SLFN11: variants seen among roughly 807,000 people sequenced by gnomAD.
SLFN11 encodes the protein schlafen family member 11.
Under a neutral mutation model 53.4 loss-of-function variants are expected in SLFN11, and 43 were observed. That is an observed-to-expected ratio of 0.80 (90% CI 0.63 to 1.04). The LOEUF is 1.04. SLFN11 is among the 50% of genes least tolerant of loss of function. The probability of loss-of-function intolerance (pLI) is 0.00; values close to 1 mark genes in which losing one functional copy is unlikely to be tolerated. For synonymous variants in SLFN11, 389 were observed against 394.7 expected (o/e 0.99, Z 0.17); for missense variants, 990 against 1,079.1 (o/e 0.92, Z 1.16).
In SLFN11 at chr17:35,352,342, A is replaced by T; in HGVS notation, c.*14T>A. The T allele has an allele frequency of 1.2e-6, 2 of 1,612,464 alleles. No individual in the cohort carries two copies. The highest frequency in any genetic ancestry group is 1.7e-6 in the Non-Finnish European group (2 of 1,178,724). On this transcript the variant is annotated 3_prime_UTR_variant, in exon 7 of 7. Transcript: ENST00000685675. ...CCATAGACATTTACATAGCATTTTG[A>T]TTTGGAGTTCTTCCTAATGGCCACC... is the stretch of plus-strand genomic sequence containing the variant.
chr17:35,364,048 G>C (rs536682572), intron 3 of SLFN11, among the ~76,000 whole-genome samples: 1 of 151,984 alleles, frequency 6.6e-6, no homozygotes, highest in African/African-American at 2.4e-5. Flanking sequence ...TACTAAAGGG[G>C]TATCTAAACT....
chr17:35,356,995 AT>A (rs1431975760), intron 5 of SLFN11, among the ~76,000 whole-genome samples: 1 of 151,978 alleles, frequency 6.6e-6, no homozygotes, highest in Non-Finnish European at 1.5e-5. Context: ...AGGTTTTTTC[AT>A]TTTTTAACAA....
chr17:35,368,548 T>C (rs1041723339), intron 1 of SLFN11, among the ~76,000 whole-genome samples: 14 of 152,022 alleles, frequency 9.2e-5, no homozygotes, highest in African/African-American at 3.1e-4. Flanking sequence ...CTAAATAAAC[T>C]TGAAAGGCAT....
At position 35,362,814 on chromosome 17, in the gene SLFN11, A is replaced by G. The variant is rs1908401155; in HGVS notation, c.994T>C (p.Trp332Arg). ...CAGACGTACTTGTCCTCCACTATCC[A>G]TGAATTGGGAGCTTCTGAGAACACT... ...CAVFSEAPNS[W>R]IVEDKYVCSL... Residue 332 changes from tryptophan to arginine, a missense_variant, in exon 4 of 7, where the codon TGG becomes CGG. Physicochemically the swap from Trp to Arg is moderately radical, Grantham distance 101. This residue lies in a region of SLFN11 where 521 missense variants were observed against 516.2 expected (regional missense o/e 1.01). Coordinates refer to ENST00000685675, the MANE Select transcript of SLFN11 (RefSeq NM_001376007.1). 1 of 1,612,822 alleles carries G rather than the reference A, an allele frequency of 6.2e-7. No individual in the cohort carries two copies. Among genetic ancestry groups the G allele is most frequent in the South Asian group, 1.1e-5 (1 of 90,986 alleles).
intron 1 of SLFN11, among the ~76,000 whole-genome samples, chr17:35,371,321 G>A (rs1249345786): frequency 6.6e-6 from 1 of 151,944 alleles, no homozygotes; most frequent in Admixed American, 6.5e-5. Flanking sequence ...AAAATCAAAC[G>A]AAAATGGGTT....
rs542078013 is a variant in SLFN11 at position 35,353,991 on chromosome 17, G to T, written c.1267C>A (p.Leu423Ile). The T allele has an allele frequency of 6.2e-7, 1 of 1,613,962 alleles. No individual in the cohort carries two copies. The highest frequency in any genetic ancestry group is 1.3e-5 in the African/African-American group (1 of 75,032). ...WRDLISEHRGLEELINKQMQP... is the reference protein window; with the variant it reads ...WRDLISEHRGIEELINKQMQP... ...ATTTGCTTATTTATTAACTCCTCTAGTCCTCTGTGCTCTGAGATCAGGTCC... is the reference window on the plus strand; with the variant it reads ...ATTTGCTTATTTATTAACTCCTCTATTCCTCTGTGCTCTGAGATCAGGTCC... The change falls in exon 6 of 7, where the codon CTA (leucine) becomes ATA (isoleucine). Residue 423 changes from leucine (L) to isoleucine (I), a missense_variant. By Grantham distance (5) the Leu-to-Ile change is conservative (BLOSUM62 2). Around this residue, in one of 3 missense-constraint regions of SLFN11, gnomAD observed 521 missense variants for 516.2 expected, o/e 1.01. Coordinates refer to ENST00000685675, the MANE Select transcript of SLFN11 (RefSeq NM_001376007.1).
rs747433951 is a variant in SLFN11, at chr17:35,353,852, G to A, written c.1406C>T (p.Thr469Ile). Reference protein sequence around the residue: ...CDALLIAQNSTPILYTILREQ... With the variant: ...CDALLIAQNSIPILYTILREQ... ...CCTGAGAATGGTGTAGAGAATGGGGGTGCTGTTCTGTGCTATCAGCAGAGC... is the reference window on the plus strand; with the variant it reads ...CCTGAGAATGGTGTAGAGAATGGGGATGCTGTTCTGTGCTATCAGCAGAGC... Residue 469 changes from threonine to isoleucine, a missense_variant, in exon 6 of 7, where the codon ACC becomes ATC. This residue lies in a region of SLFN11 where 156 missense variants were observed against 241.9 expected (regional missense o/e 0.64). Transcript: ENST00000685675. 1 of 1,604,302 alleles carries A rather than the reference G, an allele frequency of 6.2e-7. No individual in the cohort carries two copies. Among genetic ancestry groups the A allele is most frequent in the Non-Finnish European group, 8.5e-7 (1 of 1,172,080 alleles).
rs780423282 is a variant in SLFN11, at chr17:35,352,958, G to A, written c.2104C>T (p.Leu702=). 6.2e-7 allele frequency: 1 copy of A among 1,614,192 alleles called. No individual in the cohort carries two copies. The highest frequency in any genetic ancestry group is 1.1e-5 in the South Asian group (1 of 91,084). ...AAGTGGCTGGTCTGAAAGTAATCCAGAAAGATCCAGAGAATTCCTGGGCCA... is the reference window on the plus strand; with the variant it reads ...AAGTGGCTGGTCTGAAAGTAATCCAAAAAGATCCAGAGAATTCCTGGGCCA... ...KGGPGILWIF[L]DYFQTSHLDC... Residue 702 remains leucine (L), a synonymous_variant, in exon 7 of 7, where the codon CTG becomes TTG. Transcript: ENST00000685675.
rs1398004127 is a variant in SLFN11, at chr17:35,352,101, A to C, written c.*255T>G. 1 of 556,906 alleles carries C rather than the reference A, an allele frequency of 1.8e-6. No individual in the cohort carries two copies. 34.5% of individuals were successfully genotyped at this position (556,906 alleles called of 1,614,324 possible). On this transcript the variant is annotated 3_prime_UTR_variant, in exon 7 of 7. Transcript: ENST00000685675. ...TGCAAGACACAGATCGGCATTGTGC[A>C]GGACAGCTAAAGTTCCTTTAGAAAA...
chr17:35,353,154 A>G lies in SLFN11; in HGVS notation c.1923-15T>C, dbSNP rs200837923. ...TATTTCTATCACTGTAAAAATTAAA[A>G]GAACACACTCAGGTTTTCTCTAAAA... is the stretch of plus-strand genomic sequence containing the variant. On this transcript the variant is annotated splice_polypyrimidine_tract_variant and intron_variant, in intron 6 of 6. Transcript: ENST00000685675. The G allele has an allele frequency of 6.2e-7, 1 of 1,607,680 alleles. No individual in the cohort carries two copies. The highest frequency in any genetic ancestry group is 1.3e-5 in the African/African-American group (1 of 74,558).
At chr17:35,370,940 G>A (rs1014883694) in intron 1 of SLFN11, among the ~76,000 whole-genome samples, 3 of 151,952 alleles carry the variant, frequency 2.0e-5, no homozygotes, top group Non-Finnish European at 4.4e-5. Context: ...AAATATCAAT[G>A]ACATTCTTCA....
Position 35,353,378 on chromosome 17 carries a change from A to T in SLFN11, c.1880T>A (p.Ile627Asn), listed in dbSNP as rs764302302. 2.5e-6 allele frequency: 4 copies of T among 1,596,148 alleles called. No individual in the cohort carries two copies. ...RNVFHCEAHR[I>N]LYVCENQPLR... ...AGGCTGGTTTTCACAAACGTAGAGAATTCTGTGTGCCTCACAGTGAAACAC... is the reference window on the plus strand; with the variant it reads ...AGGCTGGTTTTCACAAACGTAGAGATTTCTGTGTGCCTCACAGTGAAACAC... Residue 627 changes from isoleucine to asparagine, a missense_variant, in exon 6 of 7, where the codon ATT becomes AAT. Ile to Asn is a moderately radical substitution (Grantham distance 149, BLOSUM62 -3). Around this residue, in one of 3 missense-constraint regions of SLFN11, gnomAD observed 156 missense variants for 241.9 expected, o/e 0.64. Coordinates refer to ENST00000685675, the MANE Select transcript of SLFN11 (RefSeq NM_001376007.1).
At position 35,352,241 on chromosome 17, in the gene SLFN11, C is replaced by T; in HGVS notation, c.*115G>A. On this transcript the variant is annotated 3_prime_UTR_variant, in exon 7 of 7. Coordinates refer to ENST00000685675, the MANE Select transcript of SLFN11 (RefSeq NM_001376007.1). Reference sequence around the variant, plus strand: ...GAGCCAGAAATGGGGGAGCTCCAAACTCTTTGTGTCAGCTCCGTCCAAATC... The same window carrying T: ...GAGCCAGAAATGGGGGAGCTCCAAATTCTTTGTGTCAGCTCCGTCCAAATC... 7.4e-7 allele frequency: 1 copy of T among 1,358,806 alleles called. No homozygotes were observed. The highest frequency in any genetic ancestry group is 1.0e-6 in the Non-Finnish European group (1 of 993,070). The allele number at this position is 1,358,806 out of a possible 1,614,324, so 84.2% of individuals were successfully genotyped here.
chr17:35,360,209 A>G (rs1301330375), intron 5 of SLFN11, 34 bp downstream of exon 5: 3 of 1,592,690 alleles, frequency 1.9e-6, no homozygotes, highest in Non-Finnish European at 1.7e-6. Context: ...TAATATAGAA[A>G]CTGGCTGGTG....
Position 35,353,397 on chromosome 17 carries a change from G to A in SLFN11, c.1861C>T (p.His621Tyr). 1 of 1,603,818 alleles carries A rather than the reference G, an allele frequency of 6.2e-7. No homozygotes were observed. Among genetic ancestry groups the A allele is most frequent in the Middle Eastern group, 1.7e-4 (1 of 6,024 alleles). The change falls in exon 6 of 7, where the codon CAC (histidine) becomes TAC (tyrosine). Residue 621 changes from histidine (H) to tyrosine (Y), a missense_variant. Transcript: ENST00000685675. ...TAGAGAATTCTGTGTGCCTCACAGT[G>A]AAACACATTCCTGATCTTCTCCATG... ...KIMEKIRNVF[H>Y]CEAHRILYVC...
In SLFN11 at chr17:35,351,838, C is replaced by A; in HGVS notation, c.*518G>T. On this transcript the variant is annotated 3_prime_UTR_variant, in exon 7 of 7. Transcript: ENST00000685675. The stretch of plus-strand genomic sequence containing the variant: ...ATTAATCTGACAGTGACTGAATTAT[C>A]TTCGGACTCTCCCAAGCCCTAAATG... 1 of 154,850 alleles carries A rather than the reference C, an allele frequency of 6.5e-6. No individual in the cohort carries two copies. The highest frequency in any genetic ancestry group is 6.4e-5 in the Admixed American group (1 of 15,708). The allele number at this position is 154,850 out of a possible 1,614,324, so 9.6% of individuals were successfully genotyped here.
chr17:35,357,815 T>A (rs1355224320), intron 5 of SLFN11, among the ~76,000 whole-genome samples: 4 of 143,758 alleles, frequency 2.8e-5, no homozygotes, highest in African/African-American at 7.5e-5. Context: ...ATAAAGATTT[T>A]AAAAAACAAA....
chr17:35,354,174 A>C (rs1907173568), intron 5 of SLFN11, 115 bp from the exon 6 acceptor site: 1 of 809,404 alleles, frequency 1.2e-6, no homozygotes, highest in Admixed American at 3.8e-5. Context: ...AGTTTCAAAT[A>C]CTATTTTATA....
At chr17:35,366,286 G>C (rs1199206534) in intron 3 of SLFN11, among the ~76,000 whole-genome samples, 2 of 151,960 alleles carry the variant, frequency 1.3e-5, no homozygotes, top group Admixed American at 1.3e-4. Context: ...TAAAGAAGGA[G>C]CGTGAACTTT....
Sources: gnomAD v4.1 joint callset for allele counts (sites outside exome capture counted in the v4.1 genomes callset) on GRCh38, gnomAD v4.1.1 for gene constraint, gnomAD v4.1.1 regional missense constraint, MANE v1.5 for transcripts, NCBI Gene and HGNC (gene_info 2026-07-23, HGNC 2026-07-21) for gene names.